The following DMD variants were observed in gnomAD, a reference collection of about 807,000 sequenced individuals.
DMD encodes the protein dystrophin.
Under a neutral mutation model 330.1 loss-of-function variants are expected in DMD, and 63 were observed. The ratio of observed to expected loss-of-function variants is 0.19; its 90% CI spans 0.16 to 0.24. The LOEUF (loss-of-function observed/expected upper bound fraction) is 0.24. DMD is among the 10% of genes least tolerant of loss of function. The pLI, the probability that DMD is intolerant of heterozygous loss-of-function variation, is 1.00. For missense variants in DMD, 3,344 were observed against 2,684.1 expected (o/e 1.25, Z -5.43); for synonymous variants, 1,223 against 959.8 (o/e 1.27, Z -5.07).
chrX:31,482,467 G>T (rs2068382069), intron 57 of DMD, among the ~76,000 whole-genome samples: 1 of 111,499 alleles, frequency 9.0e-6, no homozygotes, highest in Admixed American at 9.6e-5. Context: ...GAACAAATAG[G>T]TGGAGAGATT....
At chrX:32,372,821 T>C (rs766924055) in intron 34 of DMD, among the ~76,000 whole-genome samples, 64 of 111,948 alleles carry the variant, frequency 5.7e-4, no homozygotes, top group Non-Finnish European at 1.1e-3. Context: ...TATTCTCAAA[T>C]GGCTTTCCTC....
chrX:32,491,817 C>T (rs191646244), intron 19 of DMD, among the ~76,000 whole-genome samples: 131 of 111,392 alleles, frequency 1.2e-3, no homozygotes, highest in Non-Finnish European at 2.1e-3. Context: ...CAAAAGTGCT[C>T]AAAGCTCTGA....
At chrX:32,187,427 T>C (rs2096952546) in intron 44 of DMD, among the ~76,000 whole-genome samples, 1 of 111,595 alleles carries the variant, frequency 9.0e-6, no homozygotes, top group South Asian at 3.7e-4. Context: ...CAACATCTCA[T>C]ATCCCTGTCC....
At chrX:31,788,494 T>C (rs1357289052) in intron 50 of DMD, among the ~76,000 whole-genome samples, 2 of 111,741 alleles carry the variant, frequency 1.8e-5, no homozygotes, top group South Asian at 3.7e-4. Flanking sequence ...GCCTAACATA[T>C]GATCTACCCT....
intron 3 of DMD, among the ~76,000 whole-genome samples, chrX:32,848,458 C>A (rs2080869966): frequency 9.0e-6 from 1 of 111,660 alleles, no homozygotes; most frequent in South Asian, 3.7e-4. Flanking sequence ...AACAGTTCAG[C>A]TATAAGGTAT....
At chrX:32,355,498 G>A (rs986131525) in intron 37 of DMD, among the ~76,000 whole-genome samples, 1 of 111,727 alleles carries the variant, frequency 9.0e-6, no homozygotes, top group African/African-American at 3.2e-5. Flanking sequence ...TATTTCAAAT[G>A]TTATGCTAAC....
chrX:32,237,600 A>G (rs1466745038), intron 43 of DMD, among the ~76,000 whole-genome samples: 1 of 111,707 alleles, frequency 9.0e-6, no homozygotes. Context: ...TAGTGATTAT[A>G]ATCCCCTGTC....
At chrX:33,269,165 T>C (rs1203159752) in intron 1 of DMD, among the ~76,000 whole-genome samples, 1 of 110,915 alleles carries the variant, frequency 9.0e-6, no homozygotes, top group African/African-American at 3.3e-5. Flanking sequence ...CAATTCACAA[T>C]AGCAAAAATA....
intron 54 of DMD, among the ~76,000 whole-genome samples, chrX:31,628,727 T>C (rs980855726): frequency 1.9e-4 from 21 of 109,831 alleles, no homozygotes; most frequent in African/African-American, 6.6e-4. Context: ...TCTATTGCTG[T>C]GATGAGAATT....
chrX:32,911,458 C>T (rs186163438), intron 2 of DMD, among the ~76,000 whole-genome samples: 21 of 111,753 alleles, frequency 1.9e-4, no homozygotes, highest in Admixed American at 4.8e-4. Flanking sequence ...ATACATAAAA[C>T]GGAAAACTGA....
chrX:32,881,579 T>C (rs2083946671), intron 2 of DMD, among the ~76,000 whole-genome samples: 1 of 112,297 alleles, frequency 8.9e-6, no homozygotes, highest in African/African-American at 3.2e-5. Context: ...ATAATTCACA[T>C]CTTTGAAAAA....
chrX:32,299,734 C>T (rs943733537), intron 42 of DMD, among the ~76,000 whole-genome samples: 3 of 110,930 alleles, frequency 2.7e-5, no homozygotes, highest in Non-Finnish European at 5.7e-5. Flanking sequence ...TATAATAATA[C>T]AGCCTTCCTT....
chrX:32,457,651 G>C (rs139726171), intron 25 of DMD, among the ~76,000 whole-genome samples: 2,018 of 109,459 alleles, frequency 0.018, 60 homozygotes, highest in African/African-American at 0.064. Flanking sequence ...AGGTCAGTGG[G>C]AGTACTGCAA....
chrX:32,670,594 C>T (rs1195336683), intron 9 of DMD, among the ~76,000 whole-genome samples: 2 of 111,759 alleles, frequency 1.8e-5, no homozygotes, highest in Admixed American at 1.9e-4. Flanking sequence ...ACAATGAATG[C>T]TACCTAAATT....
At chrX:31,723,458 T>C (rs1157892895) in intron 52 of DMD, among the ~76,000 whole-genome samples, 3 of 111,146 alleles carry the variant, frequency 2.7e-5, no homozygotes, top group South Asian at 7.7e-4. Context: ...TTCTCTTAGA[T>C]TGACAGTTTT....
At chrX:33,134,070 C>A (rs1010830665) in intron 1 of DMD, among the ~76,000 whole-genome samples, 1 of 111,731 alleles carries the variant, frequency 9.0e-6, no homozygotes, top group Non-Finnish European at 1.9e-5. Context: ...AACTTTTGCA[C>A]AGACATCTTA....
intron 60 of DMD, among the ~76,000 whole-genome samples, chrX:31,372,498 C>T (rs1228335107): frequency 2.7e-5 from 3 of 111,784 alleles, no homozygotes; most frequent in Non-Finnish European, 5.6e-5. Context: ...AGGCCTCTTT[C>T]GGAGAGAAGG....
Position 32,651,372 on chromosome X carries a change from A to G in DMD, c.961-6220T>C, listed in dbSNP as rs57140746. On this transcript the variant is annotated intron_variant, in intron 9 of 78. Transcript: ENST00000357033. ...TGGCCAGGCTGGTCTCAAACTCCTG[A>G]CCTCAGGTCATCCGCCCACCTCAGC... 6.1e-3 allele frequency among the ~76,000 whole-genome samples: 673 copies of G among 111,037 alleles called. 8 individuals carry two copies. Among genetic ancestry groups the G allele is most frequent in the African/African-American group, 0.021 (652 of 30,478 alleles).
chrX:31,916,824 C>A (rs2094613515), intron 47 of DMD, among the ~76,000 whole-genome samples: 1 of 112,123 alleles, frequency 8.9e-6, no homozygotes, highest in Non-Finnish European at 1.9e-5. Flanking sequence ...TTGAGTGAAT[C>A]TGTGGGAAAG....
Sources: allele counts gnomAD v4.1 joint callset (sites outside exome capture counted in the v4.1 genomes callset), GRCh38; gene constraint gnomAD v4.1.1; transcripts MANE v1.5; gene names NCBI Gene and HGNC (gene_info 2026-07-23, HGNC 2026-07-21).